The following PTGIS variants were observed in gnomAD, a reference collection of about 807,000 sequenced individuals.
PTGIS encodes the protein prostaglandin I2 synthase.
Under a neutral mutation model 50.3 loss-of-function variants are expected in PTGIS, and 45 were observed. The ratio of observed to expected loss-of-function variants is 0.90; its 90% CI spans 0.70 to 1.15. The LOEUF is 1.15. Among genes scored for constraint, PTGIS ranks in the 50% most tolerant of loss-of-function variants. PTGIS has a pLI of 0.00. For missense variants in PTGIS, 668 were observed against 661.3 expected, an observed-to-expected ratio of 1.01 and a Z score of -0.11; for synonymous variants, 260 against 267.7, an observed-to-expected ratio of 0.97 and a Z score of 0.28.
chr20:49,531,733 C>G (rs1981940972), intron 5 of PTGIS, among the ~76,000 whole-genome samples: 1 of 152,098 alleles, frequency 6.6e-6, no homozygotes, highest in Non-Finnish European at 1.5e-5. Flanking sequence ...CTCAAGTGAT[C>G]CTCCCACCTC....
intron 1 of PTGIS, among the ~76,000 whole-genome samples, chr20:49,564,006 G>T (rs1982836441): frequency 6.6e-6 from 1 of 152,174 alleles, no homozygotes; most frequent in South Asian, 2.1e-4. Flanking sequence ...GAATGCTTCT[G>T]ATACTCACAA....
At chr20:49,536,470 CTTTCTTTCTTTTTT>C (rs1428893697) in intron 5 of PTGIS, among the ~76,000 whole-genome samples, 2 of 135,104 alleles carry the variant, frequency 1.5e-5, no homozygotes, top group African/African-American at 3.0e-5. Flanking sequence ...TTCTTTCTTT[CTTTCTTTCTTTTTT>C]TTTTTTTTTT....
intron 5 of PTGIS, among the ~76,000 whole-genome samples, 175 bp downstream of exon 5, chr20:49,539,395 C>T (rs907539115): frequency 1.3e-5 from 2 of 152,222 alleles, no homozygotes; most frequent in African/African-American, 4.8e-5. Flanking sequence ...TGGTCCAAGC[C>T]CTGGCTCCCC....
intron 6 of PTGIS, 124 bp downstream of exon 6, chr20:49,523,934 C>A: frequency 1.7e-6 from 2 of 1,204,888 alleles, no homozygotes; most frequent in South Asian, 1.3e-5. Context: ...CCTACATACA[C>A]ATGCACACAC....
intron 6 of PTGIS, among the ~76,000 whole-genome samples, 179 bp downstream of exon 6, chr20:49,523,879 G>A (rs369633568): frequency 1.8e-4 from 27 of 152,336 alleles, no homozygotes; most frequent in East Asian, 1.7e-3. Flanking sequence ...GTGGGTATGT[G>A]TGCACACACC....
intron 2 of PTGIS, among the ~76,000 whole-genome samples, chr20:49,549,596 T>G (rs1297249199): frequency 6.6e-6 from 1 of 152,130 alleles, no homozygotes; most frequent in East Asian, 1.9e-4. Context: ...AGAAGATGGA[T>G]AAATGAATTG....
chr20:49,566,512 G>T (rs1490017929), intron 1 of PTGIS, among the ~76,000 whole-genome samples: 2 of 152,188 alleles, frequency 1.3e-5, no homozygotes, highest in African/African-American at 4.8e-5. Context: ...TAAGGCAAAT[G>T]ATTGACTACA....
At position 49,507,879 on chromosome 20, in the gene PTGIS, G is replaced by A; in HGVS notation, c.*41C>T. 3 of 1,605,272 alleles carry A rather than the reference G, an allele frequency of 1.9e-6. No individual in the cohort carries two copies. The highest frequency in any genetic ancestry group is 2.5e-6 in the Non-Finnish European group (3 of 1,179,886). ...GGGAGGCTGGGGCAGGCTGGGGCAG[G>A]CTGGGCAGAGGCGAGCACGTGGATC... On this transcript the variant is annotated 3_prime_UTR_variant, in exon 10 of 10. Transcript: ENST00000244043.
chr20:49,564,260 T>A (rs943718459), intron 1 of PTGIS, among the ~76,000 whole-genome samples: 2 of 152,190 alleles, frequency 1.3e-5, no homozygotes. Context: ...ACATCTAATT[T>A]TTTTTTTTTG....
At chr20:49,514,148 G>A in intron 7 of PTGIS, 79 bp downstream of exon 7, 2 of 1,550,210 alleles carry the variant, frequency 1.3e-6, no homozygotes, top group South Asian at 1.1e-5. Context: ...TGGAAGACAG[G>A]AGTCCATGTT....
chr20:49,548,002 C>T lies in PTGIS; in HGVS notation c.216G>A (p.Arg72=), dbSNP rs750791843. The change falls in exon 3 of 10, where the codon AGG becomes AGA. Residue 72 remains arginine (R), a synonymous_variant. Coordinates refer to ENST00000244043, the MANE Select transcript of PTGIS (RefSeq NM_000961.4). ...GTGGGTCCAGGAGAACGGTGACATA[C>T]CTGCCCCCAACCAGTATCTGTGGGA... is the stretch of plus-strand genomic sequence containing the variant. ...GDIFTILVGG[R]YVTVLLDPHS... is the part of the protein sequence containing the mutation. 5.0e-6 allele frequency: 8 copies of T among 1,614,024 alleles called. No homozygotes were observed. The South Asian group carries it at 8.8e-5, about 18-fold the overall frequency.
At chr20:49,549,961 G>C in intron 2 of PTGIS, 105 bp downstream of exon 2, 1 of 1,570,526 alleles carries the variant, frequency 6.4e-7, no homozygotes, top group Non-Finnish European at 8.7e-7. Context: ...TGGATGGTGG[G>C]GTGGGGGGGT....
At chr20:49,563,539 C>T (rs2122909657) in intron 1 of PTGIS, among the ~76,000 whole-genome samples, 1 of 152,324 alleles carries the variant, frequency 6.6e-6, no homozygotes, top group East Asian at 1.9e-4. Context: ...AGGGTGCTAC[C>T]ACTGAGTCCC....
At chr20:49,549,285 G>A (rs1982444857) in intron 2 of PTGIS, among the ~76,000 whole-genome samples, 1 of 152,130 alleles carries the variant, frequency 6.6e-6, no homozygotes, top group African/African-American at 2.4e-5. Flanking sequence ...TAACCTACAT[G>A]CATCCTCCCA....
intron 1 of PTGIS, among the ~76,000 whole-genome samples, chr20:49,557,317 A>G (rs1277387786): frequency 1.3e-5 from 2 of 152,122 alleles, no homozygotes; most frequent in African/African-American, 4.8e-5. Context: ...GCAGGCATAC[A>G]TGGTGGTTCA....
At chr20:49,562,412 C>T (rs952802841) in intron 1 of PTGIS, among the ~76,000 whole-genome samples, 1 of 152,134 alleles carries the variant, frequency 6.6e-6, no homozygotes, top group Non-Finnish European at 1.5e-5. Flanking sequence ...GCAGGAAGCC[C>T]GGAGCCCAGG....
At chr20:49,536,632 C>G (rs1031467892) in intron 5 of PTGIS, among the ~76,000 whole-genome samples, 1 of 151,938 alleles carries the variant, frequency 6.6e-6, no homozygotes. Context: ...AGGCGCCCAC[C>G]ACCACGCCCA....
Position 49,539,715 on chromosome 20 carries a change from G to A in PTGIS, c.528C>T (p.Gly176=). 6.2e-7 allele frequency: 1 copy of A among 1,611,848 alleles called. No homozygotes were observed. The highest frequency in any genetic ancestry group is 8.5e-7 in the Non-Finnish European group (1 of 1,179,814). ...DFSYSFLLRA[G]YLTLYGIEAL... ...CCTCAATTCCGTAAAGAGTCAGGTA[G>A]CCGGCTCTGGGGGCGGCAGACAGAG... is the stretch of plus-strand genomic sequence containing the variant. The change falls in exon 5 of 10, where the codon GGC becomes GGT. Residue 176 remains glycine (G), a synonymous_variant. Coordinates refer to ENST00000244043, the MANE Select transcript of PTGIS (RefSeq NM_000961.4).
chr20:49,509,984 G>A (rs918241114), intron 9 of PTGIS, among the ~76,000 whole-genome samples: 3 of 148,378 alleles, frequency 2.0e-5, no homozygotes, highest in Admixed American at 1.4e-4. Flanking sequence ...CACCTCCTGG[G>A]TTCAAGAGAT....
Sources: allele counts gnomAD v4.1 joint callset (sites outside exome capture counted in the v4.1 genomes callset), GRCh38; gene constraint gnomAD v4.1.1; transcripts MANE v1.5; gene names NCBI Gene and HGNC (gene_info 2026-07-23, HGNC 2026-07-21).